SIPA1L1: variants seen among roughly 807,000 people sequenced by gnomAD.
SIPA1L1 encodes the protein signal-induced proliferation-associated 1-like protein 1.
Under a neutral mutation model 162.7 loss-of-function variants are expected in SIPA1L1, and 26 were observed. That is an observed-to-expected ratio of 0.16 (90% CI 0.12 to 0.22). The LOEUF (loss-of-function observed/expected upper bound fraction) is 0.22, where lower values mean the gene tolerates loss of function less well. Ranked by LOEUF, SIPA1L1 falls within the 10% of genes least tolerant of loss-of-function variation. The pLI is 1.00. For synonymous variants in SIPA1L1, 829 were observed against 837.4 expected, an observed-to-expected ratio of 0.99 and a Z score of 0.17; for missense variants, 1,874 against 2,241.0, an observed-to-expected ratio of 0.84 and a Z score of 3.31.
chr14:71,531,866 G>A (rs542494261), intron 4 of SIPA1L1, among the ~76,000 whole-genome samples: 91 of 152,132 alleles, frequency 6.0e-4, no homozygotes, highest in African/African-American at 2.2e-3. Flanking sequence ...CTTACTATTG[G>A]GGGAGTCCTG....
chr14:71,590,991 G>T (rs1241808983), intron 5 of SIPA1L1, among the ~76,000 whole-genome samples: 1 of 152,044 alleles, frequency 6.6e-6, no homozygotes, highest in African/African-American at 2.4e-5. Context: ...CTAACCCCTA[G>T]CTGAGAACCC....
chr14:71,685,259 A>G, intron 12 of SIPA1L1, 103 bp from the exon 13 acceptor site: 1 of 1,292,778 alleles, frequency 7.7e-7, no homozygotes, highest in East Asian at 2.3e-5. Flanking sequence ...ACAGAGGGTG[A>G]AATTGTGGAT....
At chr14:71,549,589 G>A (rs566616561) in intron 4 of SIPA1L1, among the ~76,000 whole-genome samples, 2 of 152,268 alleles carry the variant, frequency 1.3e-5, no homozygotes, top group African/African-American at 4.8e-5. Context: ...CCAGTTCCTT[G>A]AAATAGGTCA....
chr14:71,485,582 A>C (rs965566476), intron 2 of SIPA1L1, among the ~76,000 whole-genome samples: 14 of 152,020 alleles, frequency 9.2e-5, no homozygotes, highest in African/African-American at 3.4e-4. Flanking sequence ...GGGACCATCT[A>C]GTTGCAGGAA....
At chr14:71,678,739 G>A (rs2045480542) in intron 12 of SIPA1L1, among the ~76,000 whole-genome samples, 1 of 151,710 alleles carries the variant, frequency 6.6e-6, no homozygotes, top group Non-Finnish European at 1.5e-5. Context: ...TGTACCTCTG[G>A]TAGAATTCGG....
chr14:71,331,642 T>C (rs1261697422), intron 2 of SIPA1L1, among the ~76,000 whole-genome samples: 1 of 152,238 alleles, frequency 6.6e-6, no homozygotes. Context: ...CAACACTCTG[T>C]GTCAGTTGCA....
intron 4 of SIPA1L1, among the ~76,000 whole-genome samples, chr14:71,561,410 A>G (rs1237830483): frequency 9.2e-5 from 14 of 152,192 alleles, no homozygotes; most frequent in Non-Finnish European, 2.1e-4. Context: ...GCTGATCGCA[A>G]TCCAATAGCA....
chr14:71,642,009 G>T (rs1434603909), intron 7 of SIPA1L1, among the ~76,000 whole-genome samples: 1 of 152,184 alleles, frequency 6.6e-6, no homozygotes, highest in Non-Finnish European at 1.5e-5. Context: ...TTACTCTTCA[G>T]AAATCATACA....
At chr14:71,441,476 A>G (rs1261124444) in intron 2 of SIPA1L1, among the ~76,000 whole-genome samples, 1 of 152,214 alleles carries the variant, frequency 6.6e-6, no homozygotes, top group Non-Finnish European at 1.5e-5. Context: ...AAACATAGCC[A>G]TCATACTGCT....
At chr14:71,443,400 A>G (rs553057399) in intron 2 of SIPA1L1, among the ~76,000 whole-genome samples, 19 of 152,292 alleles carry the variant, frequency 1.2e-4, no homozygotes, top group African/African-American at 4.6e-4. Context: ...TTAATCATTG[A>G]TAAAGAATTT....
intron 2 of SIPA1L1, among the ~76,000 whole-genome samples, chr14:71,421,522 C>A (rs1269051695): frequency 6.6e-6 from 1 of 151,940 alleles, no homozygotes; most frequent in Non-Finnish European, 1.5e-5. Flanking sequence ...TGGCTTGAGC[C>A]CAGGAGTTGA....
chr14:71,451,441 C>T (rs751448769), intron 2 of SIPA1L1, among the ~76,000 whole-genome samples: 1 of 151,686 alleles, frequency 6.6e-6, no homozygotes, highest in Non-Finnish European at 1.5e-5. Context: ...CAAAACCAGC[C>T]TGGGCCATAT....
chr14:71,424,722 T>C (rs1478678525), intron 2 of SIPA1L1, among the ~76,000 whole-genome samples: 1 of 152,108 alleles, frequency 6.6e-6, no homozygotes, highest in Non-Finnish European at 1.5e-5. Context: ...GATAATGGTC[T>C]CCAATTTTCT....
chr14:71,620,204 G>A (rs1454291502), intron 6 of SIPA1L1, among the ~76,000 whole-genome samples: 1 of 152,174 alleles, frequency 6.6e-6, no homozygotes, highest in African/African-American at 2.4e-5. Context: ...CGAGTAGCTG[G>A]GATTACAGGC....
intron 10 of SIPA1L1, among the ~76,000 whole-genome samples, chr14:71,663,491 A>G (rs1032490880): frequency 6.6e-6 from 1 of 152,182 alleles, no homozygotes; most frequent in Admixed American, 6.5e-5. Flanking sequence ...TAAATCATAT[A>G]TTAATTAAAA....
At chr14:71,386,829 GT>G in intron 2 of SIPA1L1, among the ~76,000 whole-genome samples, 1 of 152,338 alleles carries the variant, frequency 6.6e-6, no homozygotes, top group African/African-American at 2.4e-5. Context: ...TACTGAGGCT[GT>G]GTAAGGTTTA....
At chr14:71,445,341 T>G (rs954141074) in intron 2 of SIPA1L1, among the ~76,000 whole-genome samples, 2 of 152,192 alleles carry the variant, frequency 1.3e-5, no homozygotes, top group Non-Finnish European at 2.9e-5. Context: ...TGTCTTAAGA[T>G]GAGAGAAGTT....
In SIPA1L1 at chr14:71,698,998, A is replaced by G. The variant is rs2081877762; in HGVS notation, c.3392A>G (p.Asp1131Gly). 3 of 1,613,982 alleles carry G rather than the reference A, an allele frequency of 1.9e-6. No individual in the cohort carries two copies. The highest frequency in any genetic ancestry group is 1.3e-5 in the African/African-American group (1 of 74,886). ...ACATGCAGGCTGTCTCCTGGTTCGG[A>G]CATCTATGTGACGGTCTCATCCATG... The part of the protein sequence containing the change: ...PLERRLSPGS[D>G]IYVTVSSMAL... Residue 1131 changes from aspartate (D) to glycine (G), a missense_variant, in exon 14 of 24, where the codon GAC becomes GGC. Around this residue, in one of 5 missense-constraint regions of SIPA1L1, gnomAD observed 936 missense variants for 1,051.9 expected, o/e 0.89. Transcript: ENST00000381232.
At chr14:71,339,639 T>G (rs1263216418) in intron 2 of SIPA1L1, among the ~76,000 whole-genome samples, 1 of 152,148 alleles carries the variant, frequency 6.6e-6, no homozygotes, top group South Asian at 2.1e-4. Flanking sequence ...GCTGGGATTA[T>G]AGGCGTGAGC....
Sources: allele counts gnomAD v4.1 joint callset (sites outside exome capture counted in the v4.1 genomes callset), GRCh38; gene constraint gnomAD v4.1.1; regional missense constraint gnomAD v4.1.1; transcripts MANE v1.5; gene names NCBI Gene and HGNC (gene_info 2026-07-23, HGNC 2026-07-21).